Variants in KIT observed in about 807,000 individuals in gnomAD.
KIT encodes KIT proto-oncogene, receptor tyrosine kinase.
In KIT, 16 loss-of-function variants were observed where a neutral mutation model predicts 105.7. That is an observed-to-expected ratio of 0.15 (90% CI 0.10 to 0.23). The LOEUF (loss-of-function observed/expected upper bound fraction) is 0.23, where lower values mean the gene tolerates loss of function less well. Among genes scored for constraint, KIT ranks in the 10% least tolerant of loss-of-function variants. The pLI is 1.00. For synonymous variants in KIT, 438 were observed against 441.1 expected (o/e 0.99, Z 0.09); for missense variants, 858 against 1,213.8 (o/e 0.71, Z 4.36).
At chr4:54,668,099 A>T (rs1317533760) in intron 1 of KIT, among the ~76,000 whole-genome samples, 1 of 152,222 alleles carries the variant, frequency 6.6e-6, no homozygotes, top group Non-Finnish European at 1.5e-5. Context: ...AAGCCTGCAA[A>T]CCTTGATAAG....
At chr4:54,671,372 A>G (rs1718098570) in intron 1 of KIT, among the ~76,000 whole-genome samples, 1 of 152,150 alleles carries the variant, frequency 6.6e-6, no homozygotes, top group Non-Finnish European at 1.5e-5. Context: ...CTCTTGGAAT[A>G]TGGGCAGGAA....
chr4:54,689,921 CTG>C (rs1173729310), intron 1 of KIT, among the ~76,000 whole-genome samples: 2 of 152,164 alleles, frequency 1.3e-5, no homozygotes, highest in Admixed American at 6.5e-5. Flanking sequence ...CTTTCTGTCT[CTG>C]TGAATTAGCC....
At chr4:54,710,792 C>T (rs1009063221) in intron 7 of KIT, among the ~76,000 whole-genome samples, 1 of 152,192 alleles carries the variant, frequency 6.6e-6, no homozygotes, top group Non-Finnish European at 1.5e-5. Context: ...TCACCTGCTT[C>T]AGCCTCCCAA....
In KIT at chr4:54,738,708, A is replaced by G. The variant is rs1349872383; in HGVS notation, c.*151A>G. The G allele has an allele frequency of 2.0e-5, 19 of 966,920 alleles. No individual in the cohort carries two copies. The highest frequency in any genetic ancestry group is 6.3e-4 in the Middle Eastern group (2 of 3,156). 59.9% of individuals were successfully genotyped at this position (966,920 alleles called of 1,614,324 possible). The stretch of plus-strand genomic sequence containing the variant: ...CTTTCTGAGCACACTTTAGTGGCCG[A>G]TGATTTTTGTCATCAGCCACCATCC... On this transcript the variant is annotated 3_prime_UTR_variant, in exon 21 of 21. Transcript: ENST00000288135.
At position 54,666,664 on chromosome 4, in the gene KIT, A is replaced by T. The variant is rs149843010; in HGVS notation, c.67+8583A>T. Among the ~76,000 whole-genome samples, 800 of 152,302 alleles carry T rather than the reference A, an allele frequency of 5.3e-3. 12 individuals carry two copies. Among genetic ancestry groups the T allele is most frequent in the African/African-American group, 0.018 (757 of 41,556 alleles). The stretch of plus-strand genomic sequence containing the variant: ...TAGGGCCTTTGCTGGAGCTGTGAAG[A>T]AAACCAAGTAATTGTCATTTTGAAA... On this transcript the variant is annotated intron_variant, in intron 1 of 20. Transcript: ENST00000288135.
chr4:54,709,135 G>A (rs1720978715), intron 6 of KIT, among the ~76,000 whole-genome samples: 3 of 151,784 alleles, frequency 2.0e-5, no homozygotes, highest in Admixed American at 6.6e-5. Context: ...TGGGGGGAGG[G>A]CGGAGGCGGG....
intron 7 of KIT, among the ~76,000 whole-genome samples, chr4:54,713,081 A>T (rs1368390647): frequency 6.6e-6 from 1 of 152,028 alleles, no homozygotes; most frequent in African/African-American, 2.4e-5. Flanking sequence ...ATTGAAAAAA[A>T]ATCTAGTTAA....
At position 54,736,408 on chromosome 4, in the gene KIT, A is replaced by G; in HGVS notation, c.2485-90A>G. The G allele has an allele frequency of 4.0e-6, 4 of 1,006,078 alleles. No homozygotes were observed. The Admixed American group carries it at 5.1e-5, about 13-fold the overall frequency. 62.3% of individuals were successfully genotyped at this position (1,006,078 alleles called of 1,614,324 possible). On this transcript the variant is annotated intron_variant, in intron 17 of 20. Coordinates refer to ENST00000288135, the MANE Select transcript of KIT (RefSeq NM_000222.3). ...TACTCAAGTTATCACTCCACATTTC[A>G]GCAACAGCAGCATCTATAAGAATAT...
intron 1 of KIT, among the ~76,000 whole-genome samples, chr4:54,695,069 A>T (rs184134286): frequency 6.6e-6 from 1 of 152,240 alleles, no homozygotes. Context: ...AGGAAAAGCT[A>T]TTCTATGTCA....
chr4:54,738,923 G>T lies in KIT; in HGVS notation c.*366G>T. On this transcript the variant is annotated 3_prime_UTR_variant, in exon 21 of 21. Transcript: ENST00000288135. ...GAATAAATGGTAGTAATCACAGTTGGCCTTCAGAACCATCCATAGTAGTAT... is the reference window on the plus strand; with the variant it reads ...GAATAAATGGTAGTAATCACAGTTGTCCTTCAGAACCATCCATAGTAGTAT... 1.7e-6 allele frequency: 1 copy of T among 590,174 alleles called. No individual in the cohort carries two copies. Among genetic ancestry groups the T allele is most frequent in the South Asian group, 2.2e-5 (1 of 46,232 alleles). 36.6% of individuals were successfully genotyped at this position (590,174 alleles called of 1,614,324 possible). A position where few individuals can be genotyped will look rare whatever the true frequency, so the allele number is the denominator to read the frequency against.
chr4:54,705,103 C>T (rs560135808), intron 5 of KIT, among the ~76,000 whole-genome samples: 3 of 152,332 alleles, frequency 2.0e-5, no homozygotes, highest in Admixed American at 6.5e-5. Flanking sequence ...ACTCCATAAG[C>T]ACTAATTTGC....
intron 5 of KIT, among the ~76,000 whole-genome samples, chr4:54,706,326 GAGTTT>G (rs1263294723): frequency 7.2e-5 from 11 of 152,132 alleles, no homozygotes; most frequent in Admixed American, 2.0e-4. Flanking sequence ...CAAAATTATT[GAGTTT>G]AGTTAAAATT....
chr4:54,671,247 G>A (rs954352691), intron 1 of KIT, among the ~76,000 whole-genome samples: 10 of 152,184 alleles, frequency 6.6e-5, no homozygotes, highest in African/African-American at 1.4e-4. Flanking sequence ...GGATGGGAAA[G>A]TTCCTTCTCC....
intron 1 of KIT, among the ~76,000 whole-genome samples, chr4:54,669,366 A>G (rs1343003788): frequency 6.6e-6 from 1 of 152,224 alleles, no homozygotes; most frequent in African/African-American, 2.4e-5. Flanking sequence ...ACTGCCTTTC[A>G]AAGAGTCTGG....
At chr4:54,659,952 T>C (rs961081987) in intron 1 of KIT, among the ~76,000 whole-genome samples, 2 of 152,208 alleles carry the variant, frequency 1.3e-5, no homozygotes, top group Non-Finnish European at 2.9e-5. Context: ...TGCCATTTCT[T>C]GGCTGCGTGC....
At chr4:54,707,039 T>C in intron 5 of KIT, 59 bp from the exon 6 acceptor site, 1 of 975,706 alleles carries the variant, frequency 1.0e-6, no homozygotes, top group Non-Finnish European at 1.6e-6. Flanking sequence ...TGAGGTTCTG[T>C]TTTTTTGTCC....
intron 1 of KIT, among the ~76,000 whole-genome samples, chr4:54,685,182 C>G (rs536538801): frequency 1.3e-5 from 2 of 152,130 alleles, no homozygotes. Context: ...TCTTTGTAGT[C>G]TCCACTCCCT....
At chr4:54,730,238 A>G (rs1722499985) in intron 14 of KIT, among the ~76,000 whole-genome samples, 1 of 152,168 alleles carries the variant, frequency 6.6e-6, no homozygotes, top group Non-Finnish European at 1.5e-5. Context: ...AACAGAAGTC[A>G]TGGTTATTTT....
In KIT at chr4:54,727,891, G is replaced by A. The variant is rs2109779974; in HGVS notation, c.1843G>A (p.Asp615Asn). ...AACTGCTTATGGCTTAATTAAGTCA[G>A]ATGCGGCCATGACTGTCGCTGTAAA... ...EATAYGLIKS[D>N]AAMTVAVKML... The change falls in exon 12 of 21, where the codon GAT becomes AAT. Residue 615 changes from aspartate (D) to asparagine (N), a missense_variant. This residue lies in a region of KIT where 158 missense variants were observed against 218.7 expected (regional missense o/e 0.72). Coordinates refer to ENST00000288135, the MANE Select transcript of KIT (RefSeq NM_000222.3). 1 of 1,614,054 alleles carries A rather than the reference G, an allele frequency of 6.2e-7. No individual in the cohort carries two copies. Among genetic ancestry groups the A allele is most frequent in the Non-Finnish European group, 8.5e-7 (1 of 1,179,990 alleles).
Sources: allele counts gnomAD v4.1 joint callset (sites outside exome capture counted in the v4.1 genomes callset), GRCh38; gene constraint gnomAD v4.1.1; regional missense constraint gnomAD v4.1.1; transcripts MANE v1.5; gene names NCBI Gene and HGNC (gene_info 2026-07-23, HGNC 2026-07-21).